Variants in ZNF638 observed in about 807,000 individuals in gnomAD.
ZNF638 encodes the protein zinc finger protein 638, also known as CTCL tumor antigen se33-1.
A neutral mutation model predicts 195.6 loss-of-function variants in ZNF638; 46 were observed. The ratio of observed to expected loss-of-function variants is 0.24; its 90% CI spans 0.19 to 0.30. The LOEUF (loss-of-function observed/expected upper bound fraction) is 0.30. Among genes scored for constraint, ZNF638 ranks in the 10% least tolerant of loss-of-function variants. ZNF638 has a pLI of 1.00. For missense variants in ZNF638, 2,440 were observed against 2,325.3 expected (o/e 1.05, Z -1.01); for synonymous variants, 845 against 772.0 (o/e 1.09, Z -1.57).
chr2:71,396,709 C>A (rs1295465209), intron 11 of ZNF638, among the ~76,000 whole-genome samples: 1 of 152,120 alleles, frequency 6.6e-6, no homozygotes, highest in Non-Finnish European at 1.5e-5. Context: ...CTTTGGGAGA[C>A]CGAAGAGGGT....
chr2:71,362,146 T>C (rs73941815), intron 3 of ZNF638, among the ~76,000 whole-genome samples: 1 of 152,228 alleles, frequency 6.6e-6, no homozygotes, highest in Admixed American at 6.5e-5. Flanking sequence ...GCTTCTATGA[T>C]ATTACTGTTT....
intron 10 of ZNF638, among the ~76,000 whole-genome samples, chr2:71,382,508 A>T (rs2079551341): frequency 2.0e-5 from 3 of 152,330 alleles, no homozygotes; most frequent in Admixed American, 6.5e-5. Flanking sequence ...AAATTTGATT[A>T]TAAGCACAGG....
At chr2:71,427,813 TG>T (rs1212715982) in intron 24 of ZNF638, among the ~76,000 whole-genome samples, 9 of 152,340 alleles carry the variant, frequency 5.9e-5, no homozygotes, top group African/African-American at 2.2e-4. Flanking sequence ...AGGAACTATT[TG>T]ATTTTAAAGT....
rs556433769 is a variant in ZNF638 at position 71,380,291 on chromosome 2, T to C, written c.2324+11T>C. 32 of 1,542,214 alleles carry C rather than the reference T, an allele frequency of 2.1e-5. No homozygotes were observed. In the South Asian group the frequency reaches 4.0e-4, roughly 19 times the overall value. On this transcript the variant is annotated intron_variant, in intron 9 of 27. Coordinates refer to ENST00000264447, the MANE Select transcript of ZNF638 (RefSeq NM_014497.5). The stretch of plus-strand genomic sequence containing the variant: ...TGCATCTACCTTAAAGTAAGTGACT[T>C]TATGATTTCATATGTGAGAATGAAA...
intron 8 of ZNF638, among the ~76,000 whole-genome samples, chr2:71,372,298 T>C (rs978424547): frequency 6.6e-6 from 1 of 152,174 alleles, no homozygotes; most frequent in Non-Finnish European, 1.5e-5. Context: ...GTAGTGAGAC[T>C]TGCCAAGAAA....
rs765508532 is a variant in ZNF638 at position 71,348,781 on chromosome 2, C to A, written c.-174C>A. ...TGTGTTATTCTTGGAAAATTTCGCACCACTTGTGAATTCCTTGAACCTGGG... is the reference window on the plus strand; with the variant it reads ...TGTGTTATTCTTGGAAAATTTCGCAACACTTGTGAATTCCTTGAACCTGGG... On this transcript the variant is annotated 5_prime_UTR_variant, in exon 2 of 28. Transcript: ENST00000264447. The A allele has an allele frequency of 1.9e-6, 3 of 1,549,848 alleles. No individual in the cohort carries two copies. The highest frequency in any genetic ancestry group is 1.4e-5 in the African/African-American group (1 of 73,582).
chr2:71,355,185 T>C (rs1286171549), intron 2 of ZNF638, among the ~76,000 whole-genome samples: 3 of 152,006 alleles, frequency 2.0e-5, no homozygotes, highest in Non-Finnish European at 4.4e-5. Context: ...GTCGATCTCC[T>C]GAACTCGTGA....
At chr2:71,375,237 T>G (rs1486919694) in intron 8 of ZNF638, 1 of 152,228 alleles carries the variant, frequency 6.6e-6, no homozygotes, top group Non-Finnish European at 1.5e-5. Flanking sequence ...ATTTAGGATT[T>G]CATTCAGTTT....
At chr2:71,409,847 C>CA in intron 20 of ZNF638, among the ~76,000 whole-genome samples, 1 of 152,188 alleles carries the variant, frequency 6.6e-6, no homozygotes, top group Admixed American at 6.5e-5. Context: ...TTTTCTGAGT[C>CA]ATGTCTGTTT....
intron 8 of ZNF638, among the ~76,000 whole-genome samples, chr2:71,377,052 T>C (rs75772054): frequency 7.2e-5 from 11 of 152,070 alleles, no homozygotes; most frequent in Admixed American, 7.2e-4. Context: ...GCAGGATGAT[T>C]GCTTGAGCCC....
Position 71,348,422 on chromosome 2 carries a change from C to T in ZNF638, c.-202-331C>T, listed in dbSNP as rs149234736. ...TTTTAATGCCTTCATCTTTTTTTTC[C>T]CCAGTATTACAGCGTGAAATAAATT... On this transcript the variant is annotated intron_variant, in intron 1 of 27. Transcript: ENST00000264447. 1.3e-5 allele frequency: 13 copies of T among 995,964 alleles called. No homozygotes were observed. In the African/African-American group the frequency reaches 1.7e-4, roughly 13 times the overall value. The allele number at this position is 995,964 out of a possible 1,614,324, so 61.7% of individuals were successfully genotyped here. A position where few individuals can be genotyped will look rare whatever the true frequency, so the allele number is the denominator to read the frequency against.
rs2079156751 is a variant in ZNF638 at position 71,364,204 on chromosome 2, C to T, written c.1669C>T (p.Arg557Ter). The stretch of plus-strand genomic sequence containing the variant: ...ATTTAGAGGTAGTCCAAAATGCTTT[C>T]GATCAGTTAGCCCTGAGAGGATGTC... ...NPFRGSPKCF[R>*]SVSPERMSRR... The change falls in exon 5 of 28, where the codon CGA (arginine) becomes TGA (stop). Residue 557 changes from arginine (R) to a stop codon, truncating the protein, a stop_gained. Coordinates refer to ENST00000264447, the MANE Select transcript of ZNF638 (RefSeq NM_014497.5). LOFTEE classifies it high-confidence loss of function. 1 of 1,614,178 alleles carries T rather than the reference C, an allele frequency of 6.2e-7. No individual in the cohort carries two copies. Among genetic ancestry groups the T allele is most frequent in the Non-Finnish European group, 8.5e-7 (1 of 1,180,030 alleles).
chr2:71,423,553 G>T lies in ZNF638; in HGVS notation c.4039G>T (p.Ala1347Ser). 6.2e-7 allele frequency: 1 copy of T among 1,614,026 alleles called. No homozygotes were observed. The highest frequency in any genetic ancestry group is 8.5e-7 in the Non-Finnish European group (1 of 1,180,022). The stretch of plus-strand genomic sequence containing the variant: ...GGATGCAGAAAAGGTGGAAAAGATG[G>T]CAGCAATGAAAGAAAAGCCTGCAGA... ...RMDAEKVEKMAAMKEKPAENT... is the reference protein window; with the variant it reads ...RMDAEKVEKMSAMKEKPAENT... The change falls in exon 22 of 28, where the codon GCA becomes TCA. Residue 1347 changes from alanine to serine, a missense_variant. Ala to Ser is a moderately conservative substitution (Grantham distance 99). Transcript: ENST00000264447.
chr2:71,363,097 T>C, intron 3 of ZNF638, 56 bp from the exon 4 acceptor site: 1 of 1,276,962 alleles, frequency 7.8e-7, no homozygotes, highest in Non-Finnish European at 1.1e-6. Context: ...TAAAGATTAA[T>C]TGAGCCTTAC....
At chr2:71,407,323 CCTTT>C (rs1558874043) in intron 19 of ZNF638, 2 of 152,100 alleles carry the variant, frequency 1.3e-5, no homozygotes, top group African/African-American at 4.8e-5. Context: ...GAATTCTGAA[CCTTT>C]CTTGTAAACA....
At chr2:71,425,301 T>C (rs1432916824) in intron 23 of ZNF638, among the ~76,000 whole-genome samples, 1 of 152,222 alleles carries the variant, frequency 6.6e-6, no homozygotes, top group Admixed American at 6.5e-5. Flanking sequence ...GAAATGTTAC[T>C]AGTTTTAAGC....
intron 20 of ZNF638, among the ~76,000 whole-genome samples, chr2:71,414,688 G>A (rs1438493349): frequency 4.5e-5 from 5 of 111,624 alleles, no homozygotes; most frequent in African/African-American, 6.6e-5. Context: ...CTTTGTTCTC[G>A]TTGGTTTCAA....
chr2:71,383,449 C>G (rs1020180389), intron 10 of ZNF638, among the ~76,000 whole-genome samples: 4 of 152,104 alleles, frequency 2.6e-5, no homozygotes, highest in Admixed American at 2.6e-4. Context: ...TAAATTACCT[C>G]CCTCAAGAAT....
At chr2:71,352,819 C>G (rs186227349) in intron 2 of ZNF638, among the ~76,000 whole-genome samples, 1 of 151,870 alleles carries the variant, frequency 6.6e-6, no homozygotes, top group Admixed American at 6.6e-5. Flanking sequence ...TTTAATTGTT[C>G]AAGTATAAGA....
Sources: gnomAD v4.1 joint callset for allele counts (sites outside exome capture counted in the v4.1 genomes callset) on GRCh38, gnomAD v4.1.1 for gene constraint, MANE v1.5 for transcripts, NCBI Gene and HGNC (gene_info 2026-07-23, HGNC 2026-07-21) for gene names.